GRIN2A: variants seen among roughly 807,000 people sequenced by gnomAD.
GRIN2A encodes the protein glutamate ionotropic receptor NMDA type subunit 2A.
A neutral mutation model predicts 113.4 loss-of-function variants in GRIN2A; 22 were observed. That is an observed-to-expected ratio of 0.19 (90% confidence interval 0.14 to 0.28). The LOEUF is 0.28. Among genes scored for constraint, GRIN2A ranks in the 10% least tolerant of loss-of-function variants. The probability of loss-of-function intolerance (pLI) is 1.00; values close to 1 mark genes in which losing one functional copy is unlikely to be tolerated. For missense variants in GRIN2A, 1,502 were observed against 1,887.0 expected (o/e 0.80, Z 3.78); for synonymous variants, 827 against 738.4 (o/e 1.12, Z -1.94).
In GRIN2A at chr16:9,973,636, A is replaced by T. The variant is rs560920679; in HGVS notation, c.415-35085T>A. The stretch of plus-strand genomic sequence containing the variant: ...TGCTAGGCACATCACAGTCAAACTG[A>T]TGAAAATCAAAAGAAAGAAAATCTC... On this transcript the variant is annotated intron_variant, in intron 2 of 12. Coordinates refer to ENST00000330684, the MANE Select transcript of GRIN2A (RefSeq NM_001134407.3). Among the ~76,000 whole-genome samples the T allele has an allele frequency of 2.0e-5, 3 of 152,356 alleles. No individual in the cohort carries two copies. In the South Asian group the frequency reaches 6.2e-4, roughly 32 times the overall value.
chr16:9,971,269 T>A (rs990520269), intron 2 of GRIN2A, among the ~76,000 whole-genome samples: 1 of 152,244 alleles, frequency 6.6e-6, no homozygotes, highest in South Asian at 2.1e-4. Flanking sequence ...TCTTCCCTGA[T>A]ATAACAATTT....
rs373484098 is a variant in GRIN2A at position 9,911,980 on chromosome 16, A to G, written c.1008-20880T>C. 1.2e-4 allele frequency among the ~76,000 whole-genome samples: 19 copies of G among 152,246 alleles called. No homozygotes were observed. In the East Asian group the frequency reaches 3.5e-3, roughly 28 times the overall value. ...GCATCTTAGTTTTCTCAACTGTAAGATGGGGTTAATATCCCTACCTCATAG... is the reference window on the plus strand; with the variant it reads ...GCATCTTAGTTTTCTCAACTGTAAGGTGGGGTTAATATCCCTACCTCATAG... On this transcript the variant is annotated intron_variant, in intron 3 of 12. Coordinates refer to ENST00000330684, the MANE Select transcript of GRIN2A (RefSeq NM_001134407.3).
At chr16:9,991,530 C>A (rs192790928) in intron 2 of GRIN2A, among the ~76,000 whole-genome samples, 1 of 152,272 alleles carries the variant, frequency 6.6e-6, no homozygotes, top group East Asian at 1.9e-4. Context: ...CATTAAATAA[C>A]TTCTCATTCT....
At chr16:9,917,651 T>C (rs2044277949) in intron 3 of GRIN2A, among the ~76,000 whole-genome samples, 1 of 152,244 alleles carries the variant, frequency 6.6e-6, no homozygotes, top group South Asian at 2.1e-4. Context: ...AAATAAAATA[T>C]GTTAACATCT....
chr16:10,095,615 A>G (rs1955422879), intron 2 of GRIN2A, among the ~76,000 whole-genome samples: 1 of 152,200 alleles, frequency 6.6e-6, no homozygotes, highest in Admixed American at 6.5e-5. Context: ...GCCTAATAAT[A>G]TAGGAGCTAC....
chr16:10,027,985 C>T lies in GRIN2A; in HGVS notation c.415-89434G>A, dbSNP rs573424692. 1.2e-4 allele frequency among the ~76,000 whole-genome samples: 18 copies of T among 152,280 alleles called. No homozygotes were observed. In the South Asian group the frequency reaches 3.7e-3, roughly 32 times the overall value. ...TCTCCTACATCCACCTGGCTTCTCA[C>T]AGAACAGTGCGGGAGGTTGGGGACT... On this transcript the variant is annotated intron_variant, in intron 2 of 12. Transcript: ENST00000330684.
intron 2 of GRIN2A, among the ~76,000 whole-genome samples, chr16:10,034,732 T>C (rs978648172): frequency 6.6e-6 from 1 of 151,944 alleles, no homozygotes; most frequent in Non-Finnish European, 1.5e-5. Flanking sequence ...TCTTAAAGAT[T>C]CCCCAAATCT....
At position 9,756,958 on chromosome 16, in the gene GRIN2A, G is replaced by T. The variant is rs575240978; in HGVS notation, c.*6191C>A. On this transcript the variant is annotated 3_prime_UTR_variant, in exon 13 of 13. Coordinates refer to ENST00000330684, the MANE Select transcript of GRIN2A (RefSeq NM_001134407.3). The stretch of plus-strand genomic sequence containing the variant: ...CAGTAGGCACTTGGAACTTGATAAA[G>T]AATTTTCCCTCTATGCTTCCCTGAT... 5 of 191,476 alleles carry T rather than the reference G, an allele frequency of 2.6e-5. No homozygotes were observed. Among genetic ancestry groups the T allele is most frequent in the Admixed American group, 1.2e-4 (2 of 16,376 alleles). The allele number at this position is 191,476 out of a possible 1,614,324, so 11.9% of individuals were successfully genotyped here.
intron 2 of GRIN2A, among the ~76,000 whole-genome samples, chr16:9,958,149 G>A (rs1051196539): frequency 3.3e-5 from 5 of 152,140 alleles, no homozygotes; most frequent in East Asian, 1.9e-4. Context: ...CTGCATAAGC[G>A]ACTGTGAGGA....
intron 2 of GRIN2A, among the ~76,000 whole-genome samples, chr16:9,981,042 A>AAG (rs891116273): frequency 2.0e-5 from 3 of 151,066 alleles, no homozygotes; most frequent in African/African-American, 4.8e-5. Context: ...GGAAAAAAAA[A>AAG]AGAGAGAGAG....
intron 4 of GRIN2A, among the ~76,000 whole-genome samples, chr16:9,877,658 C>G (rs959658583): frequency 1.7e-4 from 21 of 126,066 alleles, no homozygotes; most frequent in Non-Finnish European, 3.0e-4. Flanking sequence ...CCCTCTCCCC[C>G]CTCTCTCTCC....
At chr16:10,071,520 C>T (rs1042393782) in intron 2 of GRIN2A, among the ~76,000 whole-genome samples, 6 of 152,196 alleles carry the variant, frequency 3.9e-5, no homozygotes, top group Admixed American at 3.9e-4. Context: ...TTGAGAAAAA[C>T]TTCAAGTGCA....
intron 12 of GRIN2A, 54 bp from the exon 13 acceptor site, chr16:9,765,002 C>A: frequency 6.2e-7 from 1 of 1,610,344 alleles, no homozygotes; most frequent in Non-Finnish European, 8.5e-7. Flanking sequence ...GAACATGAAA[C>A]CACTTTGCAC....
chr16:9,931,708 G>A (rs1350875318), intron 3 of GRIN2A, among the ~76,000 whole-genome samples: 2 of 152,012 alleles, frequency 1.3e-5, no homozygotes, highest in Non-Finnish European at 2.9e-5. Context: ...TGTCCCCTCC[G>A]CTGTGGAATA....
intron 2 of GRIN2A, among the ~76,000 whole-genome samples, chr16:10,080,927 C>T (rs1232039094): frequency 2.0e-5 from 3 of 152,148 alleles, no homozygotes; most frequent in South Asian, 2.1e-4. Flanking sequence ...AAATGTTCTG[C>T]CCCAGTGAAT....
At chr16:9,839,416 C>CA (rs1370577305) in intron 7 of GRIN2A, among the ~76,000 whole-genome samples, 2 of 149,484 alleles carry the variant, frequency 1.3e-5, no homozygotes, top group Non-Finnish European at 2.9e-5. Flanking sequence ...CATAAATTTA[C>CA]AAAACGGTTA....
At chr16:10,027,674 T>A (rs546724173) in intron 2 of GRIN2A, 4 of 152,672 alleles carry the variant, frequency 2.6e-5, no homozygotes, top group Non-Finnish European at 5.9e-5. Flanking sequence ...GTGCTGGAGT[T>A]GGTGAGCTTT....
At chr16:10,015,280 A>G (rs973895645) in intron 2 of GRIN2A, among the ~76,000 whole-genome samples, 15 of 139,862 alleles carry the variant, frequency 1.1e-4, no homozygotes, top group Admixed American at 2.8e-4. Context: ...AAGAAAAAAA[A>G]AAAGAAAAAG....
intron 10 of GRIN2A, among the ~76,000 whole-genome samples, chr16:9,802,655 G>A (rs767849050): frequency 6.6e-6 from 1 of 152,080 alleles, no homozygotes; most frequent in Non-Finnish European, 1.5e-5. Context: ...AAAGCCTAAG[G>A]CAGCCTGGGG....
Sources: allele counts gnomAD v4.1 joint callset (sites outside exome capture counted in the v4.1 genomes callset), GRCh38; gene constraint gnomAD v4.1.1; transcripts MANE v1.5; gene names NCBI Gene and HGNC (gene_info 2026-07-23, HGNC 2026-07-21).